Variants in IQCH observed in about 807,000 individuals in gnomAD.
IQCH encodes the protein IQ domain-containing protein H.
Under a neutral mutation model 117.0 loss-of-function variants are expected in IQCH, and 98 were observed. The observed-to-expected ratio is 0.84, with a 90% CI of 0.71 to 0.99. The LOEUF (loss-of-function observed/expected upper bound fraction) is 0.99. Ranked by LOEUF, IQCH falls within the 50% of genes least tolerant of loss-of-function variation. IQCH has a pLI of 0.00. For synonymous variants in IQCH, 412 were observed against 448.2 expected, an observed-to-expected ratio of 0.92 and a Z score of 1.02; for missense variants, 1,102 against 1,243.8, an observed-to-expected ratio of 0.89 and a Z score of 1.72.
chr15:67,341,643 G>A (rs980982110), intron 5 of IQCH, among the ~76,000 whole-genome samples: 1 of 151,946 alleles, frequency 6.6e-6, no homozygotes, highest in African/African-American at 2.4e-5. Context: ...AATGTTAAAG[G>A]ATGATTTTTT....
chr15:67,298,608 G>A (rs1028351373), intron 4 of IQCH, among the ~76,000 whole-genome samples: 1 of 152,084 alleles, frequency 6.6e-6, no homozygotes, highest in African/African-American at 2.4e-5. Flanking sequence ...TCTTACTCCT[G>A]TAATTCCAGC....
At chr15:67,461,904 A>G (rs2082804917) in intron 16 of IQCH, among the ~76,000 whole-genome samples, 2 of 152,214 alleles carry the variant, frequency 1.3e-5, no homozygotes, top group African/African-American at 4.8e-5. Flanking sequence ...ACAACGGACA[A>G]TGTGCCTTCT....
At chr15:67,274,265 C>G (rs1002741352) in intron 3 of IQCH, among the ~76,000 whole-genome samples, 2 of 152,138 alleles carry the variant, frequency 1.3e-5, no homozygotes, top group Non-Finnish European at 2.9e-5. Flanking sequence ...CTACCCCTTA[C>G]TCTTCTTCAA....
intron 8 of IQCH, among the ~76,000 whole-genome samples, chr15:67,361,532 A>C (rs901667622): frequency 2.6e-5 from 4 of 152,246 alleles, no homozygotes; most frequent in Non-Finnish European, 5.9e-5. Flanking sequence ...TTTCTAAAAT[A>C]TATTACACTT....
intron 4 of IQCH, among the ~76,000 whole-genome samples, chr15:67,294,672 A>G (rs897185216): frequency 1.3e-5 from 2 of 152,236 alleles, no homozygotes; most frequent in Non-Finnish European, 2.9e-5. Flanking sequence ...TGATGATTGT[A>G]GAGCAGAAAG....
intron 16 of IQCH, among the ~76,000 whole-genome samples, chr15:67,442,102 A>G (rs2082282336): frequency 6.6e-6 from 1 of 152,142 alleles, no homozygotes; most frequent in Non-Finnish European, 1.5e-5. Context: ...AAGAAGATAT[A>G]CAAGTGGCCA....
chr15:67,329,620 T>G (rs1968571637), intron 4 of IQCH, among the ~76,000 whole-genome samples: 1 of 151,912 alleles, frequency 6.6e-6, no homozygotes, highest in Non-Finnish European at 1.5e-5. Flanking sequence ...AGATTACAGG[T>G]GCATGCCCAG....
chr15:67,259,845 T>G (rs1169038561), intron 1 of IQCH, among the ~76,000 whole-genome samples: 1 of 152,234 alleles, frequency 6.6e-6, no homozygotes, highest in South Asian at 2.1e-4. Context: ...TCTTTATCTT[T>G]AGTGCTTACA....
At chr15:67,394,997 G>GGCC (rs1427402876) in intron 12 of IQCH, among the ~76,000 whole-genome samples, 2 of 152,062 alleles carry the variant, frequency 1.3e-5, no homozygotes, top group Non-Finnish European at 2.9e-5. Context: ...ATTACCCAAA[G>GGCC]GCCGCCAGCC....
intron 8 of IQCH, among the ~76,000 whole-genome samples, chr15:67,368,759 C>T (rs1380012906): frequency 2.0e-5 from 3 of 152,146 alleles, no homozygotes; most frequent in African/African-American, 7.2e-5. Context: ...CTGCTTGTAT[C>T]TGATTATGGA....
rs186769959 is a variant in IQCH at position 67,255,162 on chromosome 15, G to A, written c.51+215G>A. On this transcript the variant is annotated intron_variant, in intron 1 of 20. Coordinates refer to ENST00000335894, the MANE Select transcript of IQCH (RefSeq NM_001031715.3). Reference sequence around the variant, plus strand: ...CCTGTAGGTTACGCCCCAGAAGCAGGACTTTCTGCCTCTGGGAAAACTCTA... The same window carrying A: ...CCTGTAGGTTACGCCCCAGAAGCAGAACTTTCTGCCTCTGGGAAAACTCTA... The A allele has an allele frequency of 7.5e-5, 45 of 596,348 alleles. No individual in the cohort carries two copies. The Admixed American group carries it at 8.3e-4, about 11-fold the overall frequency. The allele number at this position is 596,348 out of a possible 1,614,324, so 36.9% of individuals were successfully genotyped here.
intron 4 of IQCH, among the ~76,000 whole-genome samples, chr15:67,297,606 A>T (rs1966861815): frequency 6.6e-6 from 1 of 152,002 alleles, no homozygotes; most frequent in African/African-American, 2.4e-5. Flanking sequence ...CGAAAACTTA[A>T]CAACAATTCA....
chr15:67,421,078 G>A (rs1282049592), intron 15 of IQCH: 18 of 577,546 alleles, frequency 3.1e-5, no homozygotes, highest in Non-Finnish European at 5.2e-5. Flanking sequence ...CAAGCGCTGG[G>A]CTGAATACTA....
intron 4 of IQCH, among the ~76,000 whole-genome samples, chr15:67,320,616 G>T (rs1431315842): frequency 6.6e-6 from 1 of 152,136 alleles, no homozygotes; most frequent in Non-Finnish European, 1.5e-5. Flanking sequence ...AGAAAATTCT[G>T]GGTCCAGTGT....
rs2083292430 is a variant in IQCH, at chr15:67,479,563, C to T, written c.2799+3745C>T. On this transcript the variant is annotated intron_variant, in intron 18 of 20. Coordinates refer to ENST00000335894, the MANE Select transcript of IQCH (RefSeq NM_001031715.3). This position sits in a 1 kb window ranked among gnomAD's most constrained non-coding sequence, Gnocchi z 4.6. ...GAGAAACACAGACTTCTTTTCATAG[C>T]CCCTATGACTATCTCTACATTAAAA... is the stretch of plus-strand genomic sequence containing the variant. Among the ~76,000 whole-genome samples the T allele has an allele frequency of 6.6e-6, 1 of 152,124 alleles. No homozygotes were observed. Among genetic ancestry groups the T allele is most frequent in the African/African-American group, 2.4e-5 (1 of 41,426 alleles).
intron 4 of IQCH, among the ~76,000 whole-genome samples, chr15:67,315,468 T>C (rs1967802610): frequency 6.6e-6 from 1 of 152,160 alleles, no homozygotes; most frequent in African/African-American, 2.4e-5. Context: ...AGCTACTATC[T>C]GCTTGGGGTT....
chr15:67,449,871 T>TC (rs1305277471), intron 16 of IQCH, among the ~76,000 whole-genome samples: 1 of 152,228 alleles, frequency 6.6e-6, no homozygotes, highest in African/African-American at 2.4e-5. Flanking sequence ...GGAATGTTCT[T>TC]CCATTTGTTT....
intron 4 of IQCH, among the ~76,000 whole-genome samples, chr15:67,313,762 CT>C (rs1305077238): frequency 1.3e-5 from 2 of 152,140 alleles, no homozygotes; most frequent in East Asian, 3.9e-4. Context: ...GAAGGCAGGG[CT>C]TAATGCAGAC....
intron 4 of IQCH, among the ~76,000 whole-genome samples, chr15:67,291,101 A>T (rs951025522): frequency 2.6e-5 from 4 of 152,196 alleles, no homozygotes; most frequent in Non-Finnish European, 5.9e-5. Context: ...TAGGGAAGGG[A>T]CATACTATCA....
Sources: allele counts gnomAD v4.1 joint callset (sites outside exome capture counted in the v4.1 genomes callset), GRCh38; gene constraint gnomAD v4.1.1; non-coding constraint Gnocchi (gnomAD v3.1); transcripts MANE v1.5; gene names NCBI Gene and HGNC (gene_info 2026-07-23, HGNC 2026-07-21).